Variants in DOK5 observed in about 807,000 individuals in gnomAD.
DOK5 encodes docking protein 5, also known as downstream of tyrosine kinase 5.
Under a neutral mutation model 43.3 loss-of-function variants are expected in DOK5, and 27 were observed. The ratio of observed to expected loss-of-function variants is 0.62; its 90% CI spans 0.46 to 0.86. DOK5 has a LOEUF of 0.86. DOK5 is among the 40% of genes least tolerant of loss of function. The pLI is 0.00. For synonymous variants in DOK5, 146 were observed against 140.1 expected, an observed-to-expected ratio of 1.04 and a Z score of -0.30; for missense variants, 373 against 392.9, an observed-to-expected ratio of 0.95 and a Z score of 0.43.
intron 6 of DOK5, among the ~76,000 whole-genome samples, chr20:54,640,514 G>T (rs546046137): frequency 3.3e-5 from 5 of 152,276 alleles, no homozygotes; most frequent in African/African-American, 1.2e-4. Context: ...ATTGTTATAA[G>T]GCTTTTCTTT....
intron 2 of DOK5, among the ~76,000 whole-genome samples, chr20:54,577,412 G>C (rs191487716): frequency 6.6e-6 from 1 of 152,292 alleles, no homozygotes; most frequent in East Asian, 1.9e-4. Flanking sequence ...GGGTCAGTGT[G>C]TTAGATTTCC....
chr20:54,476,983 T>C (rs959577824), intron 1 of DOK5, among the ~76,000 whole-genome samples: 1 of 149,686 alleles, frequency 6.7e-6, no homozygotes, highest in Non-Finnish European at 1.5e-5. Context: ...TCCTATCAAG[T>C]GTTGTCGCTG....
intron 6 of DOK5, among the ~76,000 whole-genome samples, chr20:54,640,055 C>A (rs911584495): frequency 6.6e-6 from 1 of 152,086 alleles, no homozygotes; most frequent in Non-Finnish European, 1.5e-5. Flanking sequence ...CTCACCCATA[C>A]CCACACCCAC....
intron 5 of DOK5, among the ~76,000 whole-genome samples, chr20:54,609,272 G>A (rs974483253): frequency 7.2e-5 from 11 of 152,170 alleles, no homozygotes; most frequent in Admixed American, 4.6e-4. Context: ...TGAAGCTACC[G>A]TTCAGTTTTT....
intron 6 of DOK5, among the ~76,000 whole-genome samples, chr20:54,619,240 G>A (rs1568814600): frequency 2.6e-5 from 4 of 151,380 alleles, no homozygotes; most frequent in South Asian, 4.2e-4. Flanking sequence ...TGGGCCTGGA[G>A]TATGAGGTGG....
chr20:54,476,490 G>C (rs6512962), intron 1 of DOK5, among the ~76,000 whole-genome samples: 3,214 of 152,206 alleles, frequency 0.021, 124 homozygotes, highest in African/African-American at 0.074. Flanking sequence ...TCTGCCAAGC[G>C]TAAGGTGTCT....
At chr20:54,626,378 A>T (rs1168181317) in intron 6 of DOK5, among the ~76,000 whole-genome samples, 3 of 152,166 alleles carry the variant, frequency 2.0e-5, no homozygotes, top group Admixed American at 2.0e-4. Flanking sequence ...CTTTGCTGAG[A>T]GTCTGCGTGC....
intron 1 of DOK5, among the ~76,000 whole-genome samples, chr20:54,516,236 T>C (rs1030047910): frequency 3.3e-5 from 5 of 152,174 alleles, no homozygotes; most frequent in Non-Finnish European, 7.3e-5. Flanking sequence ...CATTGTCAGC[T>C]ACAGATACAT....
At chr20:54,548,853 T>C (rs1984432243) in intron 1 of DOK5, among the ~76,000 whole-genome samples, 1 of 152,234 alleles carries the variant, frequency 6.6e-6, no homozygotes, top group Admixed American at 6.5e-5. Context: ...TGCTAAACAA[T>C]ACTGAGATAT....
intron 2 of DOK5, among the ~76,000 whole-genome samples, chr20:54,573,309 C>T (rs891075624): frequency 6.6e-6 from 1 of 152,072 alleles, no homozygotes; most frequent in African/African-American, 2.4e-5. Flanking sequence ...AGGGAGAATG[C>T]TTGTTGGGAG....
chr20:54,568,455 T>C (rs1248000399), intron 2 of DOK5, among the ~76,000 whole-genome samples: 1 of 152,226 alleles, frequency 6.6e-6, no homozygotes, highest in East Asian at 1.9e-4. Context: ...GTTTGTCAGA[T>C]AGTTTTTCCG....
chr20:54,637,147 T>G (rs6014098), intron 6 of DOK5, among the ~76,000 whole-genome samples: 16,310 of 150,854 alleles, frequency 0.11, 1,227 homozygotes, highest in African/African-American at 0.21. Context: ...GTCTTCTGCT[T>G]CTACATTGTA....
chr20:54,490,521 A>G (rs530519927), intron 1 of DOK5, among the ~76,000 whole-genome samples: 8 of 152,152 alleles, frequency 5.3e-5, no homozygotes, highest in Non-Finnish European at 8.8e-5. Context: ...GCTAGATATA[A>G]TTTCTGAATG....
chr20:54,569,507 A>T (rs1215121870), intron 2 of DOK5, among the ~76,000 whole-genome samples: 1 of 152,198 alleles, frequency 6.6e-6, no homozygotes, highest in Non-Finnish European at 1.5e-5. Context: ...GAATGTGTGC[A>T]TCTATTTTTA....
chr20:54,630,049 G>C (rs760556945), intron 6 of DOK5, among the ~76,000 whole-genome samples: 3 of 152,202 alleles, frequency 2.0e-5, no homozygotes, highest in South Asian at 2.1e-4. Context: ...GGAGGGTTTT[G>C]AGAAAGGGTG....
At chr20:54,614,514 A>C (rs893349634) in intron 6 of DOK5, among the ~76,000 whole-genome samples, 1 of 152,242 alleles carries the variant, frequency 6.6e-6, no homozygotes, top group Non-Finnish European at 1.5e-5. Flanking sequence ...GCCATCAATT[A>C]GCATAAATTG....
chr20:54,641,015 A>G (rs1003064641), intron 6 of DOK5, among the ~76,000 whole-genome samples: 1 of 152,242 alleles, frequency 6.6e-6, no homozygotes, highest in Non-Finnish European at 1.5e-5. Flanking sequence ...GAATTTTTTT[A>G]TAGTATGTAC....
chr20:54,590,518 G>A (rs1416806195), intron 4 of DOK5, among the ~76,000 whole-genome samples: 1 of 150,742 alleles, frequency 6.6e-6, no homozygotes, highest in Non-Finnish European at 1.5e-5. Flanking sequence ...ACTTTCAAGG[G>A]GGGGGAATAT....
intron 5 of DOK5, among the ~76,000 whole-genome samples, chr20:54,604,033 G>A (rs560884342): frequency 2.2e-5 from 3 of 135,176 alleles, no homozygotes; most frequent in African/African-American, 5.7e-5. Context: ...TGCAAGCTCC[G>A]CCTCCCGGGT....
Sources: allele counts gnomAD v4.1 joint callset (sites outside exome capture counted in the v4.1 genomes callset), GRCh38; gene constraint gnomAD v4.1.1; transcripts MANE v1.5; gene names NCBI Gene and HGNC (gene_info 2026-07-23, HGNC 2026-07-21).